Variants in HEATR4 observed in about 807,000 individuals in gnomAD.
HEATR4 encodes HEAT repeat-containing protein 4.
In HEATR4, 95 loss-of-function variants were observed where a neutral mutation model predicts 108.8. That is an observed-to-expected ratio of 0.87 (90% CI 0.74 to 1.04). The LOEUF (loss-of-function observed/expected upper bound fraction) is 1.04, where lower values mean the gene tolerates loss of function less well. Among genes scored for constraint, HEATR4 ranks in the 50% least tolerant of loss-of-function variants. The pLI, the probability that HEATR4 is intolerant of heterozygous loss-of-function variation, is 0.00. For synonymous variants in HEATR4, 443 were observed against 459.4 expected (o/e 0.96, Z 0.46); for missense variants, 1,152 against 1,253.8 (o/e 0.92, Z 1.23).
chr14:73,577,634 A>C, the HEATR4 span, among the ~76,000 whole-genome samples: 1 of 151,674 alleles, frequency 6.6e-6, no homozygotes, highest in Admixed American at 6.6e-5. Context: ...GCTAGATCCC[A>C]AACTTGAGTC....
At position 73,553,415 on chromosome 14, in the gene HEATR4, G is replaced by A. The variant is rs1439369612; in HGVS notation, c.-152+5336C>T. Among the ~76,000 whole-genome samples the A allele has an allele frequency of 6.2e-5, 7 of 112,582 alleles. 2 individuals are homozygous for A. The highest frequency in any genetic ancestry group is 1.4e-4 in the African/African-American group (5 of 34,890). 73.9% of individuals were successfully genotyped at this position (112,582 alleles called of 152,430 possible). A position where few individuals can be genotyped will look rare whatever the true frequency, so the allele number is the denominator to read the frequency against. ...AATCCCAGCTACGGGGGAGGCTGAG[G>A]CAGGAGAATCACTTGGAACCCAGAA... On this transcript the variant is annotated intron_variant, in intron 1 of 17. Coordinates refer to ENST00000553558, the MANE Select transcript of HEATR4 (RefSeq NM_001220484.1).
the HEATR4 span, among the ~76,000 whole-genome samples, chr14:73,575,985 C>G: frequency 2.6e-5 from 4 of 151,584 alleles, no homozygotes; most frequent in Non-Finnish European, 5.9e-5. Context: ...AACCCCATCT[C>G]TCCTAAAAAT....
the HEATR4 span, among the ~76,000 whole-genome samples, chr14:73,601,265 T>C: frequency 1.3e-5 from 2 of 151,788 alleles, no homozygotes; most frequent in African/African-American, 4.8e-5. Flanking sequence ...CAAACATTGG[T>C]TATAAACTAC....
At chr14:73,620,653 C>T in the HEATR4 span, among the ~76,000 whole-genome samples, 2 of 151,900 alleles carry the variant, frequency 1.3e-5, no homozygotes, top group Non-Finnish European at 2.9e-5. Flanking sequence ...CTGCAACCTC[C>T]GCCTCCCAGG....
chr14:73,492,855 G>A lies in HEATR4; in HGVS notation c.2844+211C>T. ...TTTGTGAGAGTGGGGGACCTGCCCTGTGACAGTGTGGAGGACCAGCTGTCC... is the reference window on the plus strand; with the variant it reads ...TTTGTGAGAGTGGGGGACCTGCCCTATGACAGTGTGGAGGACCAGCTGTCC... On this transcript the variant is annotated intron_variant, in intron 17 of 17. Coordinates refer to ENST00000553558, the MANE Select transcript of HEATR4 (RefSeq NM_001220484.1). This position sits in a 1 kb window ranked among gnomAD's most constrained non-coding sequence, Gnocchi z 4.9. The A allele has an allele frequency of 6.2e-7, 1 of 1,613,920 alleles. No individual in the cohort carries two copies.
chr14:73,512,443 A>C (rs572236499), intron 6 of HEATR4, among the ~76,000 whole-genome samples: 1 of 152,332 alleles, frequency 6.6e-6, no homozygotes, highest in East Asian at 1.9e-4. Context: ...ACAATAAAAC[A>C]AAGTAGTTAA....
the HEATR4 span, among the ~76,000 whole-genome samples, chr14:73,605,190 A>C: frequency 2.6e-5 from 4 of 152,276 alleles, no homozygotes; most frequent in East Asian, 7.7e-4. Context: ...TTGGATATCC[A>C]CTTTCAATTA....
intron 6 of HEATR4, among the ~76,000 whole-genome samples, chr14:73,513,728 CAAAAA>C (rs747778891): frequency 0.024 from 1,142 of 46,636 alleles, 21 homozygotes; most frequent in African/African-American, 0.083. Context: ...ACTACGTCTC[CAAAAA>C]AAAAAAAAAA....
intron 2 of HEATR4, among the ~76,000 whole-genome samples, chr14:73,526,166 G>A (rs1025680999): frequency 2.9e-4 from 44 of 152,112 alleles, no homozygotes; most frequent in African/African-American, 1.0e-3. Context: ...TTTTGCATTG[G>A]AACTCACTGC....
the HEATR4 span, chr14:73,567,946 G>A: frequency 6.6e-6 from 1 of 152,072 alleles, no homozygotes; most frequent in African/African-American, 2.4e-5. Flanking sequence ...ACAAACTCCA[G>A]ACACACTACT....
chr14:73,562,484 G>A (rs911858112), upstream of HEATR4, among the ~76,000 whole-genome samples: 2 of 151,982 alleles, frequency 1.3e-5, no homozygotes, highest in African/African-American at 4.8e-5. Flanking sequence ...CGATTTTTAT[G>A]GAACAAGGGA....
intron 5 of HEATR4, among the ~76,000 whole-genome samples, chr14:73,515,636 C>T (rs1887554323): frequency 7.4e-6 from 1 of 134,938 alleles, no homozygotes; most frequent in African/African-American, 2.8e-5. Context: ...GCTGAGATCG[C>T]GCTCCAACCT....
rs2140310923 is a variant in HEATR4, at chr14:73,538,064, C to G, written c.-151-7820G>C. Among the ~76,000 whole-genome samples, 2 of 112,774 alleles carry G rather than the reference C, an allele frequency of 1.8e-5. 1 individual carries two copies. Among genetic ancestry groups the G allele is most frequent in the Non-Finnish European group, 3.9e-5 (2 of 51,800 alleles). 74.0% of individuals were successfully genotyped at this position (112,774 alleles called of 152,430 possible). On this transcript the variant is annotated intron_variant, in intron 1 of 17. Coordinates refer to ENST00000553558, the MANE Select transcript of HEATR4 (RefSeq NM_001220484.1). ...TAGGTCTTGAACTCCTGGACCCAAGCTATCCTCCCGCCTCTGCCTCCCCAA... is the reference window on the plus strand; with the variant it reads ...TAGGTCTTGAACTCCTGGACCCAAGGTATCCTCCCGCCTCTGCCTCCCCAA...
the HEATR4 span, among the ~76,000 whole-genome samples, chr14:73,621,711 G>A: frequency 6.7e-6 from 1 of 149,524 alleles, no homozygotes; most frequent in Admixed American, 6.6e-5. Flanking sequence ...GTTAAACTCT[G>A]TGTTGAGTAT....
intron 10 of HEATR4, among the ~76,000 whole-genome samples, chr14:73,506,227 T>C (rs1206355936): frequency 6.6e-6 from 1 of 152,174 alleles, no homozygotes; most frequent in Non-Finnish European, 1.5e-5. Flanking sequence ...GTTTTTGTGC[T>C]ATTTCATTGT....
At chr14:73,521,687 C>A (rs1315794466) in intron 3 of HEATR4, among the ~76,000 whole-genome samples, 1 of 152,192 alleles carries the variant, frequency 6.6e-6, no homozygotes, top group African/African-American at 2.4e-5. Context: ...ATGTAGTCAT[C>A]TTCTTCTCTC....
chr14:73,499,019 A>G (rs957931620), intron 13 of HEATR4, 52 bp downstream of exon 13: 1 of 1,491,900 alleles, frequency 6.7e-7, no homozygotes, highest in African/African-American at 1.4e-5. Context: ...TTCTACTTGC[A>G]TAGGCAAAGG....
chr14:73,586,521 A>G, the HEATR4 span, among the ~76,000 whole-genome samples: 6,096 of 152,024 alleles, frequency 0.04, 154 homozygotes, highest in Admixed American at 0.07. Flanking sequence ...CCTGGCTAAC[A>G]TGGTAAAACC....
the HEATR4 span, among the ~76,000 whole-genome samples, chr14:73,613,838 G>C: frequency 6.6e-6 from 1 of 152,016 alleles, no homozygotes; most frequent in Non-Finnish European, 1.5e-5. Flanking sequence ...AGGTAGCCCA[G>C]AAAGAAGACT....
Sources: allele counts gnomAD v4.1 joint callset (sites outside exome capture counted in the v4.1 genomes callset), GRCh38; gene constraint gnomAD v4.1.1; non-coding constraint Gnocchi (gnomAD v3.1); transcripts MANE v1.5; gene names NCBI Gene and HGNC (gene_info 2026-07-23, HGNC 2026-07-21).